UBAC2: variants seen among roughly 807,000 people sequenced by gnomAD.
The protein encoded by UBAC2 is UBA domain containing 2, also known as ubiquitin-associated domain-containing protein 2.
A neutral mutation model predicts 44.0 loss-of-function variants in UBAC2; 26 were observed. The ratio of observed to expected loss-of-function variants is 0.59; its 90% CI spans 0.43 to 0.82. The LOEUF (loss-of-function observed/expected upper bound fraction) is 0.82, where lower values mean the gene tolerates loss of function less well. UBAC2 is among the 40% of genes least tolerant of loss of function. The pLI is 0.00. For synonymous variants in UBAC2, 155 were observed against 154.3 expected, an observed-to-expected ratio of 1.00 and a Z score of -0.04; for missense variants, 329 against 419.4, an observed-to-expected ratio of 0.78 and a Z score of 1.88.
intron 4 of UBAC2, among the ~76,000 whole-genome samples, chr13:99,293,614 C>T (rs2044124224): frequency 6.6e-6 from 1 of 152,192 alleles, no homozygotes; most frequent in African/African-American, 2.4e-5. Context: ...CGTGTTGTCT[C>T]ACCTGTCTGC....
intron 7 of UBAC2, among the ~76,000 whole-genome samples, chr13:99,342,471 G>A (rs937517007): frequency 6.6e-6 from 1 of 152,174 alleles, no homozygotes; most frequent in Non-Finnish European, 1.5e-5. Context: ...TCTGCTTGCA[G>A]ACGGTAGTTA....
At chr13:99,263,329 G>A (rs923562558) in intron 4 of UBAC2, among the ~76,000 whole-genome samples, 8 of 152,192 alleles carry the variant, frequency 5.3e-5, no homozygotes, top group Admixed American at 3.3e-4. Flanking sequence ...TGGGATCTCT[G>A]CCATTCCATG....
intron 1 of UBAC2, among the ~76,000 whole-genome samples, chr13:99,236,913 G>A (rs2043240197): frequency 6.6e-6 from 1 of 151,856 alleles, no homozygotes; most frequent in Non-Finnish European, 1.5e-5. Flanking sequence ...GGAGAACCCT[G>A]GTACACTGTT....
At chr13:99,317,932 A>T in intron 5 of UBAC2, 90 bp from the exon 6 acceptor site, 1 of 1,008,034 alleles carries the variant, frequency 9.9e-7, no homozygotes, top group Non-Finnish European at 1.5e-6. Flanking sequence ...ACTTTATATA[A>T]ATGGTCATGA....
intron 4 of UBAC2, among the ~76,000 whole-genome samples, chr13:99,261,124 G>A (rs2043654479): frequency 6.6e-6 from 1 of 152,192 alleles, no homozygotes; most frequent in Non-Finnish European, 1.5e-5. Context: ...CAAGTGTGAG[G>A]GCAGCTTATC....
chr13:99,262,430 C>T (rs938319592), intron 4 of UBAC2, among the ~76,000 whole-genome samples: 9 of 152,048 alleles, frequency 5.9e-5, no homozygotes, highest in African/African-American at 1.2e-4. Flanking sequence ...GGGCTGGGCA[C>T]GGTGGCTCAT....
At chr13:99,315,636 A>G (rs2044478390) in intron 5 of UBAC2, among the ~76,000 whole-genome samples, 1 of 152,162 alleles carries the variant, frequency 6.6e-6, no homozygotes, top group Non-Finnish European at 1.5e-5. Context: ...TTCCCCATCT[A>G]TCAAATGGGG....
intron 4 of UBAC2, among the ~76,000 whole-genome samples, chr13:99,267,604 A>T (rs1336594629): frequency 1.3e-5 from 2 of 152,206 alleles, no homozygotes; most frequent in Non-Finnish European, 1.5e-5. Flanking sequence ...GAGTCTGCTC[A>T]CTTCAGAGCC....
chr13:99,371,264 C>T (rs2045403181), intron 8 of UBAC2, among the ~76,000 whole-genome samples: 1 of 152,072 alleles, frequency 6.6e-6, no homozygotes, highest in Admixed American at 6.5e-5. Context: ...TTCTTCCTCG[C>T]TCCGTGTTAC....
intron 1 of UBAC2, chr13:99,201,571 G>C (rs1483572490): frequency 2.5e-6 from 4 of 1,613,814 alleles, no homozygotes; most frequent in Non-Finnish European, 3.4e-6. Context: ...TCAGCAGGTA[G>C]GGGGCGGAGT....
Position 99,282,889 on chromosome 13 carries a change from T to G in UBAC2, c.390-31208T>G, listed in dbSNP as rs2043972364. ...TAGGGTTGGATTTTTTGGTATATGTTATGTGTTGAGTTCTGAAATATCTAA... is the reference window on the plus strand; with the variant it reads ...TAGGGTTGGATTTTTTGGTATATGTGATGTGTTGAGTTCTGAAATATCTAA... On this transcript the variant is annotated intron_variant, in intron 4 of 8. Transcript: ENST00000403766. 2.6e-5 allele frequency among the ~76,000 whole-genome samples: 4 copies of G among 152,220 alleles called. No homozygotes were observed. The South Asian group carries it at 8.3e-4, about 31-fold the overall frequency.
chr13:99,252,326 G>A (rs552708165), intron 4 of UBAC2, among the ~76,000 whole-genome samples: 1 of 152,336 alleles, frequency 6.6e-6, no homozygotes, highest in African/African-American at 2.4e-5. Flanking sequence ...GCTGTTTGAG[G>A]GGGAACCAAG....
chr13:99,383,353 C>A (rs1437477000), intron 8 of UBAC2, among the ~76,000 whole-genome samples: 3 of 152,196 alleles, frequency 2.0e-5, no homozygotes, highest in Non-Finnish European at 4.4e-5. Flanking sequence ...TCCAGCCAAC[C>A]AAATGAATTC....
chr13:99,380,952 G>A (rs576034181), intron 8 of UBAC2, among the ~76,000 whole-genome samples: 49 of 152,348 alleles, frequency 3.2e-4, no homozygotes, highest in African/African-American at 1.0e-3. Context: ...GATGAAGAGC[G>A]AGCCCGCTGC....
intron 6 of UBAC2, among the ~76,000 whole-genome samples, chr13:99,319,309 G>C (rs1339841620): frequency 1.3e-5 from 2 of 152,302 alleles, no homozygotes; most frequent in Non-Finnish European, 2.9e-5. Context: ...AGCGGTTATA[G>C]AGCATAGATT....
intron 1 of UBAC2, among the ~76,000 whole-genome samples, chr13:99,210,093 C>T (rs2042920212): frequency 6.6e-6 from 1 of 152,132 alleles, no homozygotes; most frequent in African/African-American, 2.4e-5. Context: ...TAACGTTAAC[C>T]ACACTATAGG....
chr13:99,227,164 C>T (rs2043119173), intron 1 of UBAC2, among the ~76,000 whole-genome samples: 1 of 151,744 alleles, frequency 6.6e-6, no homozygotes, highest in African/African-American at 2.4e-5. Context: ...TGCCATTGCA[C>T]TCCAGCCCGG....
intron 4 of UBAC2, among the ~76,000 whole-genome samples, chr13:99,298,626 A>G (rs2044212296): frequency 6.6e-6 from 1 of 152,322 alleles, no homozygotes; most frequent in East Asian, 1.9e-4. Context: ...AACAATAGAG[A>G]TAACTGCAGA....
intron 6 of UBAC2, among the ~76,000 whole-genome samples, chr13:99,332,490 C>T (rs1177814148): frequency 6.6e-6 from 1 of 152,142 alleles, no homozygotes; most frequent in Admixed American, 6.5e-5. Context: ...CTTACAGGGT[C>T]ACAGCTTCTG....
Sources: allele counts gnomAD v4.1 joint callset (sites outside exome capture counted in the v4.1 genomes callset), GRCh38; gene constraint gnomAD v4.1.1; transcripts MANE v1.5; gene names NCBI Gene and HGNC (gene_info 2026-07-23, HGNC 2026-07-21).